Variants in ARID1B observed in about 807,000 individuals in gnomAD.
ARID1B encodes the protein AT-rich interaction domain 1B, also known as AT-rich interactive domain-containing protein 1B.
Under a neutral mutation model 212.3 loss-of-function variants are expected in ARID1B, and 30 were observed. The ratio of observed to expected loss-of-function variants is 0.14; its 90% CI spans 0.11 to 0.19. The LOEUF (loss-of-function observed/expected upper bound fraction) is 0.19, where lower values mean the gene tolerates loss of function less well. Among genes scored for constraint, ARID1B ranks in the 10% least tolerant of loss-of-function variants. ARID1B has a pLI of 1.00. For synonymous variants in ARID1B, 1,402 were observed against 1,301.7 expected (o/e 1.08, Z -1.66); for missense variants, 2,891 against 3,204.0 (o/e 0.90, Z 2.36).
At chr6:156,949,558 C>T (rs1793424430) in intron 4 of ARID1B, among the ~76,000 whole-genome samples, 1 of 152,174 alleles carries the variant, frequency 6.6e-6, no homozygotes, top group Admixed American at 6.5e-5. Context: ...CATTCCTTTC[C>T]TATGAGCAAG....
At chr6:156,779,679 CGCCGGGCCGG>C (rs1013395627) in intron 1 of ARID1B, 2 of 282,740 alleles carry the variant, frequency 7.1e-6, no homozygotes, top group Admixed American at 6.2e-5. Flanking sequence ...GGGAGGGCTT[CGCCGGGCCGG>C]GCCGGGCCGG....
chr6:157,202,700 A>G (rs1317137380), intron 18 of ARID1B, among the ~76,000 whole-genome samples: 1 of 150,836 alleles, frequency 6.6e-6, no homozygotes, highest in Non-Finnish European at 1.5e-5. Flanking sequence ...CCATTTATAT[A>G]TAATGCATGT....
At chr6:157,145,047 C>T (rs924536562) in intron 7 of ARID1B, among the ~76,000 whole-genome samples, 1 of 152,150 alleles carries the variant, frequency 6.6e-6, no homozygotes. Flanking sequence ...CTCTCCTGTT[C>T]CTGTTTCCTG....
chr6:156,804,878 A>G (rs1247322105), intron 1 of ARID1B, among the ~76,000 whole-genome samples: 1 of 151,386 alleles, frequency 6.6e-6, no homozygotes, highest in Admixed American at 6.6e-5. Flanking sequence ...AAAAAAAAAA[A>G]AAAAAAAAAA....
intron 1 of ARID1B, among the ~76,000 whole-genome samples, chr6:156,825,654 C>G (rs1782689898): frequency 6.6e-6 from 1 of 152,216 alleles, no homozygotes; most frequent in African/African-American, 2.4e-5. Flanking sequence ...TGGTCGTGCA[C>G]TATTTGAAGT....
At chr6:156,845,977 T>G (rs1480876144) in intron 2 of ARID1B, among the ~76,000 whole-genome samples, 3 of 152,174 alleles carry the variant, frequency 2.0e-5, no homozygotes, top group Non-Finnish European at 2.9e-5. Context: ...GAACTTGTTT[T>G]GTTCACCAAA....
intron 5 of ARID1B, among the ~76,000 whole-genome samples, chr6:157,096,125 G>A (rs572878109): frequency 1.3e-5 from 2 of 152,032 alleles, no homozygotes; most frequent in Non-Finnish European, 2.9e-5. Context: ...TCAAGACCCC[G>A]CTAAAGGATC....
Position 156,993,347 on chromosome 6 carries a change from A to G in ARID1B, c.2247+57771A>G, listed in dbSNP as rs573208153. Among the ~76,000 whole-genome samples the G allele has an allele frequency of 7.2e-5, 11 of 152,318 alleles. No homozygotes were observed. The South Asian group carries it at 2.3e-3, about 32-fold the overall frequency. ...CCACTGCGCCTGGCACATTTTAAATATATCTAATGAGACCTACATTCTTAT... is the reference window on the plus strand; with the variant it reads ...CCACTGCGCCTGGCACATTTTAAATGTATCTAATGAGACCTACATTCTTAT... On this transcript the variant is annotated intron_variant, in intron 4 of 19. Coordinates refer to ENST00000636930, the MANE Select transcript of ARID1B (RefSeq NM_001374828.1).
chr6:156,903,341 A>G (rs1789105175), intron 3 of ARID1B, among the ~76,000 whole-genome samples: 1 of 152,234 alleles, frequency 6.6e-6, no homozygotes, highest in Non-Finnish European at 1.5e-5. Flanking sequence ...CTCTATAACC[A>G]TGACTTTTTA....
chr6:156,864,852 T>TG (rs1209012082), intron 2 of ARID1B, among the ~76,000 whole-genome samples: 9 of 152,288 alleles, frequency 5.9e-5, no homozygotes, highest in Admixed American at 1.3e-4. Context: ...TTATGAAGGG[T>TG]GGGGAAACAC....
chr6:157,166,935 T>C (rs1791364907), intron 8 of ARID1B, 105 bp from the exon 9 acceptor site: 3 of 1,439,456 alleles, frequency 2.1e-6, no homozygotes, highest in African/African-American at 1.4e-5. Flanking sequence ...TGAAAAGTTA[T>C]AGCCCCACCC....
rs1794621528 is a variant in ARID1B at position 157,208,517 on chromosome 6, A to T, written c.*626A>T. On this transcript the variant is annotated 3_prime_UTR_variant, in exon 20 of 20. Coordinates refer to ENST00000636930, the MANE Select transcript of ARID1B (RefSeq NM_001374828.1). The stretch of plus-strand genomic sequence containing the variant: ...GCTGGGAGCAAAAACAATGTTTTTT[A>T]AGATTGAGAATACATACCTGACAAC... 1 of 233,194 alleles carries T rather than the reference A, an allele frequency of 4.3e-6. No individual in the cohort carries two copies. Among genetic ancestry groups the T allele is most frequent in the Admixed American group, 5.6e-5 (1 of 17,770 alleles). The allele number at this position is 233,194 out of a possible 1,614,324, so 14.4% of individuals were successfully genotyped here.
intron 5 of ARID1B, among the ~76,000 whole-genome samples, chr6:157,088,675 TA>T (rs776427474): frequency 6.6e-6 from 1 of 152,230 alleles, no homozygotes; most frequent in Non-Finnish European, 1.5e-5. Context: ...TTTTGTTTTA[TA>T]TTTACTTTCA....
chr6:156,803,663 TC>T (rs1318009872), intron 1 of ARID1B, among the ~76,000 whole-genome samples: 5 of 151,766 alleles, frequency 3.3e-5, no homozygotes, highest in Non-Finnish European at 7.4e-5. Flanking sequence ...CCTTTTTTGA[TC>T]TAGTTCTTCC....
intron 19 of ARID1B, chr6:157,205,931 G>C: frequency 1.8e-6 from 1 of 540,568 alleles, no homozygotes; most frequent in Non-Finnish European, 3.3e-6. Flanking sequence ...GTCTAAGCAA[G>C]GAAGCAGCAA....
chr6:157,008,814 C>A (rs868771166), intron 4 of ARID1B, among the ~76,000 whole-genome samples: 34 of 152,152 alleles, frequency 2.2e-4, no homozygotes, highest in African/African-American at 8.2e-4. Context: ...CTGACAGTGA[C>A]TTGTCTGAGC....
chr6:156,931,610 G>A (rs1035526410), intron 3 of ARID1B, among the ~76,000 whole-genome samples: 5 of 152,158 alleles, frequency 3.3e-5, no homozygotes, highest in African/African-American at 1.2e-4. Flanking sequence ...CTTGAGGCCA[G>A]TAGCTGGAGA....
chr6:156,926,295 G>GGTTTT (rs1007479659), intron 3 of ARID1B, among the ~76,000 whole-genome samples: 25 of 152,076 alleles, frequency 1.6e-4, no homozygotes, highest in African/African-American at 4.6e-4. Flanking sequence ...ATCATGGAGG[G>GGTTTT]GTTTTGTTTT....
intron 2 of ARID1B, among the ~76,000 whole-genome samples, chr6:156,888,527 C>A (rs573518409): frequency 2.6e-5 from 4 of 152,142 alleles, no homozygotes; most frequent in African/African-American, 9.7e-5. Flanking sequence ...ATGACATTCA[C>A]GAATTCAAAA....
Sources: gnomAD v4.1 joint callset for allele counts (sites outside exome capture counted in the v4.1 genomes callset) on GRCh38, gnomAD v4.1.1 for gene constraint, MANE v1.5 for transcripts, NCBI Gene and HGNC (gene_info 2026-07-23, HGNC 2026-07-21) for gene names.